The following RAB30 variants were observed in gnomAD, a reference collection of about 807,000 sequenced individuals.
The protein encoded by RAB30 is ras-related protein Rab-30.
Under a neutral mutation model 25.1 loss-of-function variants are expected in RAB30, and 9 were observed. The ratio of observed to expected loss-of-function variants is 0.36; its 90% CI spans 0.22 to 0.63. The LOEUF is 0.63. Ranked by LOEUF, RAB30 falls within the 20% of genes least tolerant of loss-of-function variation. The pLI, the probability that RAB30 is intolerant of heterozygous loss-of-function variation, is 0.69. For synonymous variants in RAB30, 77 were observed against 86.4 expected, an observed-to-expected ratio of 0.89 and a Z score of 0.60; for missense variants, 140 against 243.5, an observed-to-expected ratio of 0.58 and a Z score of 2.83.
At chr11:83,063,828 T>C (rs565525706) in intron 1 of RAB30, among the ~76,000 whole-genome samples, 8 of 152,276 alleles carry the variant, frequency 5.3e-5, no homozygotes, top group African/African-American at 7.2e-5. Flanking sequence ...CATAATAAAA[T>C]GAGGTACTCA....
At chr11:83,012,293 T>C (rs1312672702) in intron 1 of RAB30, among the ~76,000 whole-genome samples, 7 of 152,148 alleles carry the variant, frequency 4.6e-5, no homozygotes, top group Admixed American at 4.6e-4. Context: ...CAAGATGCAA[T>C]GCGACTCCAC....
rs1390693380 is a variant in RAB30, at chr11:82,974,557, G to A, written c.*7608C>T. On this transcript the variant is annotated 3_prime_UTR_variant, in exon 5 of 5. Transcript: ENST00000527633. ...TGAAGTTGGTTAGATTTTATATAAC[G>A]CTGTATACAAATAATACTGATATCC... 2 of 152,036 alleles carry A rather than the reference G, an allele frequency of 1.3e-5. No homozygotes were observed. Among genetic ancestry groups the A allele is most frequent in the East Asian group, 3.9e-4 (2 of 5,184 alleles). 9.4% of individuals were successfully genotyped at this position (152,036 alleles called of 1,614,324 possible).
At chr11:83,044,249 C>T (rs1331538006) in intron 1 of RAB30, among the ~76,000 whole-genome samples, 2 of 152,184 alleles carry the variant, frequency 1.3e-5, no homozygotes, top group Non-Finnish European at 2.9e-5. Flanking sequence ...AAGAATCTTA[C>T]CAATATAACC....
At chr11:83,024,915 T>A (rs1857673285) in intron 1 of RAB30, among the ~76,000 whole-genome samples, 1 of 152,224 alleles carries the variant, frequency 6.6e-6, no homozygotes, top group Non-Finnish European at 1.5e-5. Flanking sequence ...TCTTTCCTCC[T>A]GGAGGAGAGA....
At chr11:83,019,762 T>C (rs1478398793) in intron 1 of RAB30, among the ~76,000 whole-genome samples, 2 of 152,220 alleles carry the variant, frequency 1.3e-5, no homozygotes, top group African/African-American at 4.8e-5. Flanking sequence ...AGTACGAAAT[T>C]CAATACAATT....
chr11:83,040,608 A>C lies in RAB30; in HGVS notation c.-9+31083T>G, dbSNP rs915222450. Reference sequence around the variant, plus strand: ...ACTCTGTCTCAAAAAAAAAAAAAAAAAATTGAATAACACTATTTTGAACTT... The same window carrying C: ...ACTCTGTCTCAAAAAAAAAAAAAAACAATTGAATAACACTATTTTGAACTT... On this transcript the variant is annotated intron_variant, in intron 1 of 4. Transcript: ENST00000527633. Among the ~76,000 whole-genome samples the C allele has an allele frequency of 2.7e-4, 41 of 152,258 alleles. 1 individual carries two copies. Among genetic ancestry groups the C allele is most frequent in the South Asian group, 8.3e-4 (4 of 4,814 alleles).
At chr11:82,983,058 C>CA (rs1317322737) in intron 4 of RAB30, among the ~76,000 whole-genome samples, 19 of 140,706 alleles carry the variant, frequency 1.4e-4, no homozygotes, top group Admixed American at 5.6e-4. Context: ...TACTGTTAAC[C>CA]AAAAAAAAAG....
chr11:82,975,461 G>C lies in RAB30; in HGVS notation c.*6704C>G, dbSNP rs901750197. On this transcript the variant is annotated 3_prime_UTR_variant, in exon 5 of 5. Coordinates refer to ENST00000527633, the MANE Select transcript of RAB30 (RefSeq NM_001286060.2). ...TGTACATGAATTTTTTCTTTATTAG[G>C]CATTTTGTATTCCAATTTTTGTTTT... is the stretch of plus-strand genomic sequence containing the variant. The C allele has an allele frequency of 1.3e-5, 2 of 152,010 alleles. No homozygotes were observed. Among genetic ancestry groups the C allele is most frequent in the Non-Finnish European group, 2.9e-5 (2 of 67,958 alleles). 9.4% of individuals were successfully genotyped at this position (152,010 alleles called of 1,614,324 possible).
chr11:83,001,285 C>T (rs1198428018), intron 1 of RAB30, among the ~76,000 whole-genome samples: 2 of 152,146 alleles, frequency 1.3e-5, no homozygotes, highest in Non-Finnish European at 2.9e-5. Context: ...AAGTGATCCT[C>T]CTGCCTCAGC....
At chr11:83,020,406 G>T (rs1438293930) in intron 1 of RAB30, among the ~76,000 whole-genome samples, 12 of 152,230 alleles carry the variant, frequency 7.9e-5, no homozygotes, top group Admixed American at 7.2e-4. Flanking sequence ...GCCCCCTCCG[G>T]ACTTTAGGCA....
At position 83,040,592 on chromosome 11, in the gene RAB30, C is replaced by CA. The variant is rs35973192; in HGVS notation, c.-9+31098dup. On this transcript the variant is annotated intron_variant, in intron 1 of 4. Transcript: ENST00000527633. ...GGGCAACAAGAGCGAAACTCTGTCT[C>CA]AAAAAAAAAAAAAAAAAATTGAATA... is the stretch of plus-strand genomic sequence containing the variant. 1.8e-3 allele frequency among the ~76,000 whole-genome samples: 214 copies of CA among 121,070 alleles called. 1 individual carries two copies. Among genetic ancestry groups the CA allele is most frequent in the South Asian group, 0.015 (55 of 3,728 alleles). 79.4% of individuals were successfully genotyped at this position (121,070 alleles called of 152,430 possible).
intron 1 of RAB30, among the ~76,000 whole-genome samples, chr11:83,032,631 CA>C (rs1325746621): frequency 1.3e-5 from 2 of 152,156 alleles, no homozygotes; most frequent in Non-Finnish European, 2.9e-5. Flanking sequence ...CATCTGGTCA[CA>C]ATTTTTATGT....
At chr11:83,027,796 C>T (rs1344900666) in intron 1 of RAB30, among the ~76,000 whole-genome samples, 2 of 152,292 alleles carry the variant, frequency 1.3e-5, no homozygotes, top group East Asian at 3.9e-4. Flanking sequence ...CATTAGTAGT[C>T]ACTCTGCATT....
chr11:83,038,480 A>T (rs184886793), intron 1 of RAB30, among the ~76,000 whole-genome samples: 1 of 152,282 alleles, frequency 6.6e-6, no homozygotes, highest in African/African-American at 2.4e-5. Context: ...CTACCTCAAG[A>T]TGTTTACTGT....
rs976386170 is a variant in RAB30, at chr11:82,981,843, C to T, written c.*322G>A. 5 of 300,780 alleles carry T rather than the reference C, an allele frequency of 1.7e-5. No individual in the cohort carries two copies. Among genetic ancestry groups the T allele is most frequent in the Non-Finnish European group, 3.2e-5 (5 of 156,432 alleles). The allele number at this position is 300,780 out of a possible 1,614,324, so 18.6% of individuals were successfully genotyped here. On this transcript the variant is annotated 3_prime_UTR_variant, in exon 5 of 5. Coordinates refer to ENST00000527633, the MANE Select transcript of RAB30 (RefSeq NM_001286060.2). Reference sequence around the variant, plus strand: ...ATGTGCAGGAGGGATCCCTACAGTACATTTCCCCCCGGACTCTGTTTAGGA... The same window carrying T: ...ATGTGCAGGAGGGATCCCTACAGTATATTTCCCCCCGGACTCTGTTTAGGA...
chr11:83,025,342 CTT>C (rs2121512941), intron 1 of RAB30, among the ~76,000 whole-genome samples: 2 of 152,328 alleles, frequency 1.3e-5, no homozygotes, highest in Admixed American at 1.3e-4. Flanking sequence ...TCCATTCATT[CTT>C]TGTTAGGATG....
chr11:83,006,528 G>C (rs979923519), intron 1 of RAB30, among the ~76,000 whole-genome samples: 10 of 152,184 alleles, frequency 6.6e-5, no homozygotes, highest in African/African-American at 2.4e-4. Context: ...ACTGGCAACA[G>C]TAGTTGCCCC....
intron 1 of RAB30, among the ~76,000 whole-genome samples, chr11:83,029,417 T>C (rs186399153): frequency 9.3e-4 from 141 of 151,950 alleles, no homozygotes; most frequent in African/African-American, 3.1e-3. Context: ...ATTATTATTA[T>C]TTTGAGACAG....
intron 1 of RAB30, among the ~76,000 whole-genome samples, chr11:83,035,975 G>C (rs1377063253): frequency 6.6e-6 from 1 of 152,144 alleles, no homozygotes; most frequent in Non-Finnish European, 1.5e-5. Context: ...GGCTTTGACT[G>C]GTGGTGGACT....
Sources: allele counts gnomAD v4.1 joint callset (sites outside exome capture counted in the v4.1 genomes callset), GRCh38; gene constraint gnomAD v4.1.1; transcripts MANE v1.5; gene names NCBI Gene and HGNC (gene_info 2026-07-23, HGNC 2026-07-21).